The following L3MBTL4 variants were observed in gnomAD, a reference collection of about 807,000 sequenced individuals.
L3MBTL4 encodes lethal(3)malignant brain tumor-like protein 4.
In L3MBTL4, 70 loss-of-function variants were observed where a neutral mutation model predicts 84.5. The ratio of observed to expected loss-of-function variants is 0.83; its 90% CI spans 0.68 to 1.01. The LOEUF is 1.01. Among genes scored for constraint, L3MBTL4 ranks in the 50% least tolerant of loss-of-function variants. The pLI is 0.00. For synonymous variants in L3MBTL4, 274 were observed against 259.8 expected (o/e 1.05, Z -0.52); for missense variants, 715 against 754.8 (o/e 0.95, Z 0.62).
At chr18:6,004,937 C>A (rs899436713) in intron 16 of L3MBTL4, among the ~76,000 whole-genome samples, 1 of 129,932 alleles carries the variant, frequency 7.7e-6, no homozygotes, top group Non-Finnish European at 1.6e-5. Flanking sequence ...GCTGGTCTCA[C>A]AACAACAAAA....
intron 16 of L3MBTL4, chr18:6,032,125 C>A (rs2055835661): frequency 1.2e-5 from 3 of 251,350 alleles, no homozygotes; most frequent in South Asian, 4.5e-5. Flanking sequence ...CTATAGGCAC[C>A]CGCCACCACG....
intron 13 of L3MBTL4, among the ~76,000 whole-genome samples, chr18:6,154,816 T>C (rs2043036403): frequency 1.3e-5 from 2 of 152,136 alleles, no homozygotes; most frequent in South Asian, 4.1e-4. Flanking sequence ...TGTGAAAGAA[T>C]TTTCCTTGGC....
chr18:6,122,488 T>C (rs897287622), intron 14 of L3MBTL4, among the ~76,000 whole-genome samples: 2 of 152,188 alleles, frequency 1.3e-5, no homozygotes, highest in Non-Finnish European at 2.9e-5. Context: ...CAATATCTGA[T>C]GGTAATATAA....
At chr18:6,272,488 A>AG (rs1417460298) in intron 4 of L3MBTL4, among the ~76,000 whole-genome samples, 1 of 83,380 alleles carries the variant, frequency 1.2e-5, no homozygotes, top group Non-Finnish European at 3.0e-5. Flanking sequence ...GGTTCTACAG[A>AG]GCGGCGCCTT....
chr18:6,279,499 C>T (rs139176546), intron 4 of L3MBTL4, among the ~76,000 whole-genome samples: 1 of 152,238 alleles, frequency 6.6e-6, no homozygotes, highest in East Asian at 1.9e-4. Context: ...GGGCCCAGTC[C>T]TGTCACTAGA....
chr18:6,316,372 A>G (rs1228617706), intron 1 of L3MBTL4, among the ~76,000 whole-genome samples: 1 of 152,208 alleles, frequency 6.6e-6, no homozygotes, highest in Non-Finnish European at 1.5e-5. Context: ...AACACCCCAT[A>G]GGACAAAAGA....
intron 1 of L3MBTL4, among the ~76,000 whole-genome samples, chr18:6,344,578 C>T (rs56403558): frequency 0.022 from 3,358 of 152,270 alleles, 43 homozygotes; most frequent in Middle Eastern, 0.041. Context: ...CAGACAAGGT[C>T]ATTCCAATAT....
intron 1 of L3MBTL4, among the ~76,000 whole-genome samples, chr18:6,408,279 G>A (rs1028493551): frequency 6.6e-6 from 1 of 152,184 alleles, no homozygotes; most frequent in Non-Finnish European, 1.5e-5. Flanking sequence ...TAAGAAGCCA[G>A]TACGTTCATG....
intron 12 of L3MBTL4, among the ~76,000 whole-genome samples, chr18:6,173,695 C>T (rs2044087526): frequency 6.6e-6 from 1 of 152,096 alleles, no homozygotes; most frequent in Admixed American, 6.6e-5. Flanking sequence ...AGAAGAATCA[C>T]CTCAGCCTGG....
At chr18:6,157,947 C>G (rs1469672461) in intron 13 of L3MBTL4, among the ~76,000 whole-genome samples, 8 of 152,104 alleles carry the variant, frequency 5.3e-5, no homozygotes, top group Non-Finnish European at 8.8e-5. Flanking sequence ...TCCTTGGTCA[C>G]TTAGGGAGGG....
rs1401336546 is a variant in L3MBTL4 at position 6,071,728 on chromosome 18, GGAAAGAAA to G, written c.1444+9145_1444+9152del. On this transcript the variant is annotated intron_variant, in intron 16 of 18. Coordinates refer to ENST00000317931, the MANE Select transcript of L3MBTL4 (RefSeq NM_001330559.2). ...AAGAAAGAAAGAAGGAAAGAAAGAA[GGAAAGAAA>G]GAAGGAAGGAAAGAAAGAAAGAAAA... is the stretch of plus-strand genomic sequence containing the variant. Among the ~76,000 whole-genome samples, 301 of 57,980 alleles carry G rather than the reference GGAAAGAAA, an allele frequency of 5.2e-3. 3 individuals carry two copies. Among genetic ancestry groups the G allele is most frequent in the African/African-American group, 0.019 (287 of 15,016 alleles). The allele number at this position is 57,980 out of a possible 152,430, so 38.0% of individuals were successfully genotyped here. A position where few individuals can be genotyped will look rare whatever the true frequency, so the allele number is the denominator to read the frequency against.
intron 10 of L3MBTL4, among the ~76,000 whole-genome samples, chr18:6,221,686 A>G (rs1170073518): frequency 1.3e-5 from 2 of 152,200 alleles, no homozygotes; most frequent in East Asian, 3.8e-4. Flanking sequence ...CATCAATAGA[A>G]TAATTAGGAT....
rs2054571964 is a variant in L3MBTL4 at position 6,380,948 on chromosome 18, G to T, written c.-91+33853C>A. Among the ~76,000 whole-genome samples, 8 of 152,152 alleles carry T rather than the reference G, an allele frequency of 5.3e-5. No homozygotes were observed. The South Asian group carries it at 1.7e-3, about 32-fold the overall frequency. ...AGTCTCCCACTATTATTGTGTGGGA[G>T]TCTAAGTCTCTTCATAGATCTCTAA... On this transcript the variant is annotated intron_variant, in intron 1 of 18. Coordinates refer to ENST00000317931, the MANE Select transcript of L3MBTL4 (RefSeq NM_001330559.2).
intron 1 of L3MBTL4, among the ~76,000 whole-genome samples, chr18:6,329,536 T>A (rs561952996): frequency 6.6e-6 from 1 of 152,310 alleles, no homozygotes; most frequent in East Asian, 1.9e-4. Flanking sequence ...ACATAACACA[T>A]GAAACTGGGT....
At chr18:6,329,608 G>A (rs1986190) in intron 1 of L3MBTL4, among the ~76,000 whole-genome samples, 9,317 of 152,246 alleles carry the variant, frequency 0.061, 359 homozygotes, top group East Asian at 0.11. Flanking sequence ...TCAAGGTTGA[G>A]TGGGGCACAT....
chr18:6,250,384 T>C (rs1334667550), intron 5 of L3MBTL4, among the ~76,000 whole-genome samples: 2 of 152,152 alleles, frequency 1.3e-5, no homozygotes, highest in Admixed American at 6.5e-5. Flanking sequence ...TATATGTGTG[T>C]GCCATCCACT....
intron 16 of L3MBTL4, among the ~76,000 whole-genome samples, chr18:6,038,074 A>G (rs1200176311): frequency 6.6e-6 from 1 of 152,156 alleles, no homozygotes; most frequent in Non-Finnish European, 1.5e-5. Context: ...AGTGGGAAGT[A>G]TCTGTGTAAT....
chr18:6,150,147 A>G (rs1841537599), intron 13 of L3MBTL4, among the ~76,000 whole-genome samples: 1 of 152,202 alleles, frequency 6.6e-6, no homozygotes, highest in Admixed American at 6.5e-5. Context: ...TTTTCGGACT[A>G]AAAATGTCAA....
At chr18:6,161,516 A>G (rs1158662830) in intron 13 of L3MBTL4, among the ~76,000 whole-genome samples, 2 of 152,224 alleles carry the variant, frequency 1.3e-5, no homozygotes, top group East Asian at 3.8e-4. Flanking sequence ...CCTTGGCTCA[A>G]TGTCTGCAAT....
Sources: allele counts gnomAD v4.1 joint callset (sites outside exome capture counted in the v4.1 genomes callset), GRCh38; gene constraint gnomAD v4.1.1; transcripts MANE v1.5; gene names NCBI Gene and HGNC (gene_info 2026-07-23, HGNC 2026-07-21).